The following CDKL5 variants were observed in gnomAD, a reference collection of about 807,000 sequenced individuals.
CDKL5 encodes the protein cyclin dependent kinase like 5.
In CDKL5, 8 loss-of-function variants were observed where a neutral mutation model predicts 61.7. That is an observed-to-expected ratio of 0.13 (90% CI 0.08 to 0.23). CDKL5 has a LOEUF of 0.23. Among genes scored for constraint, CDKL5 ranks in the 10% least tolerant of loss-of-function variants. CDKL5 has a pLI of 1.00. For synonymous variants in CDKL5, 275 were observed against 272.3 expected (o/e 1.01, Z -0.10); for missense variants, 440 against 734.5 (o/e 0.60, Z 4.63).
chrX:18,462,831 C>CT (rs2147647692), intron 1 of CDKL5, among the ~76,000 whole-genome samples: 1 of 110,978 alleles, frequency 9.0e-6, no homozygotes, highest in South Asian at 3.9e-4. Flanking sequence ...CGTGACCAGC[C>CT]TGGCCAACAT....
intron 1 of CDKL5, among the ~76,000 whole-genome samples, chrX:18,445,464 CTTTGTCTTTG>C (rs1282562090): frequency 5.4e-5 from 6 of 111,651 alleles, no homozygotes; most frequent in Non-Finnish European, 7.5e-5. Context: ...TCCTTTATGT[CTTTGTCTTTG>C]TGCTAGTGGT....
intron 3 of CDKL5, among the ~76,000 whole-genome samples, chrX:18,540,749 G>A (rs1267967783): frequency 9.4e-6 from 1 of 106,108 alleles, no homozygotes; most frequent in Non-Finnish European, 1.9e-5. Flanking sequence ...GTGCAGTGGC[G>A]TGATCTCGGC....
chrX:18,487,644 G>A (rs1041686606), intron 1 of CDKL5, among the ~76,000 whole-genome samples: 2 of 112,896 alleles, frequency 1.8e-5, no homozygotes, highest in East Asian at 2.8e-4. Flanking sequence ...CACCTGGCAC[G>A]GTGGCTCATT....
chrX:18,644,480 C>T (rs1800002), downstream of CDKL5: 8 of 1,211,518 alleles, frequency 6.6e-6, no homozygotes, highest in East Asian at 8.9e-5. Flanking sequence ...AGGCGCTCAT[C>T]GGTCCTGTAC....
At chrX:18,440,632 C>T (rs747005091) in intron 1 of CDKL5, among the ~76,000 whole-genome samples, 24 of 112,120 alleles carry the variant, frequency 2.1e-4, no homozygotes, top group Admixed American at 1.6e-3. Flanking sequence ...TGCCACCACA[C>T]CTAGGTAATT....
chrX:18,596,259 C>A (rs1385011416), intron 10 of CDKL5, among the ~76,000 whole-genome samples: 1 of 110,758 alleles, frequency 9.0e-6, no homozygotes, highest in Non-Finnish European at 1.9e-5. Flanking sequence ...GTGGCATTCT[C>A]AGAACTTTGC....
intron 9 of CDKL5, among the ~76,000 whole-genome samples, chrX:18,594,053 C>T (rs1202737343): frequency 8.9e-6 from 1 of 112,378 alleles, no homozygotes; most frequent in Non-Finnish European, 1.9e-5. Flanking sequence ...TTTTTTGTCT[C>T]CTGCTATCCA....
chrX:18,556,653 G>T (rs1218524691), intron 3 of CDKL5, among the ~76,000 whole-genome samples: 5 of 111,008 alleles, frequency 4.5e-5, no homozygotes, highest in Non-Finnish European at 9.4e-5. Context: ...TACTTTTTCT[G>T]GGACCATACT....
At position 18,630,820 on chromosome X, in the gene CDKL5, T is replaced by C. The variant is rs755758315; in HGVS notation, c.*2063T>C. The C allele has an allele frequency of 9.3e-6, 7 of 751,965 alleles. No homozygotes were observed. Among genetic ancestry groups the C allele is most frequent in the Non-Finnish European group, 1.1e-5 (7 of 638,778 alleles). 62.0% of individuals were successfully genotyped at this position (751,965 alleles called of 1,213,427 possible). A position where few individuals can be genotyped will look rare whatever the true frequency, so the allele number is the denominator to read the frequency against. ...CTTCTTTCACCAGTTCAGTACTGTTTGGGTAGCTCTGAATTCTGGCTTTTC... is the reference window on the plus strand; with the variant it reads ...CTTCTTTCACCAGTTCAGTACTGTTCGGGTAGCTCTGAATTCTGGCTTTTC... On this transcript the variant is annotated 3_prime_UTR_variant, in exon 18 of 18. Transcript: ENST00000623535.
At chrX:18,573,545 T>C (rs1384700064) in intron 4 of CDKL5, among the ~76,000 whole-genome samples, 3 of 112,301 alleles carry the variant, frequency 2.7e-5, no homozygotes, top group African/African-American at 9.7e-5. Flanking sequence ...ATGTCCCCGA[T>C]TGCATCTCAG....
chrX:18,572,716 T>A (rs1925171950), intron 4 of CDKL5, among the ~76,000 whole-genome samples: 1 of 112,030 alleles, frequency 8.9e-6, no homozygotes, highest in Non-Finnish European at 1.9e-5. Context: ...TACGCATGTA[T>A]GGGCAGAGAT....
intron 1 of CDKL5, among the ~76,000 whole-genome samples, chrX:18,450,657 C>T (rs1931991604): frequency 9.0e-6 from 1 of 111,151 alleles, no homozygotes; most frequent in South Asian, 3.8e-4. Context: ...TCACTGCAAC[C>T]TCCGCCTCCT....
intron 3 of CDKL5, among the ~76,000 whole-genome samples, chrX:18,540,388 G>A (rs761927664): frequency 4.1e-4 from 46 of 111,436 alleles, no homozygotes; most frequent in South Asian, 2.3e-3. Context: ...TGTTGCCCAG[G>A]CTGGTCTCCA....
In CDKL5 at chrX:18,454,842, A is replaced by G. The variant is rs367820354; in HGVS notation, c.-163+29147A>G. Among the ~76,000 whole-genome samples the G allele has an allele frequency of 1.6e-4, 18 of 109,109 alleles. No individual in the cohort carries two copies. The East Asian group carries it at 4.0e-3, about 24-fold the overall frequency. The allele number at this position is 109,109 out of a possible 115,157, so 94.7% of individuals were successfully genotyped here. ...TTTGAAAATGATATAATGTCATTGC[A>G]TGGAAATGATATAATATCATTGCAT... On this transcript the variant is annotated intron_variant, in intron 1 of 17. Transcript: ENST00000623535.
Position 18,595,328 on chromosome X carries a change from C to T in CDKL5, c.745-20C>T. The T allele has an allele frequency of 9.1e-7, 1 of 1,103,235 alleles. No individual in the cohort carries two copies. Among genetic ancestry groups the T allele is most frequent in the Non-Finnish European group, 1.3e-6 (1 of 796,478 alleles). 90.9% of individuals were successfully genotyped at this position (1,103,235 alleles called of 1,213,427 possible). A position where few individuals can be genotyped will look rare whatever the true frequency, so the allele number is the denominator to read the frequency against. ...TGTCCTTCCCCAAATGTTAACATTC[C>T]CTTTGTGTATGTCTCACAGTTTCCA... is the stretch of plus-strand genomic sequence containing the variant. On this transcript the variant is annotated intron_variant, in intron 9 of 17. Coordinates refer to ENST00000623535, the MANE Select transcript of CDKL5 (RefSeq NM_001323289.2).
intron 5 of CDKL5, among the ~76,000 whole-genome samples, chrX:18,575,991 G>A (rs973152666): frequency 3.6e-5 from 4 of 112,166 alleles, no homozygotes; most frequent in African/African-American, 1.3e-4. Context: ...AGATGAGACC[G>A]TAAAAGAAAA....
chrX:18,451,294 C>T (rs764656517), intron 1 of CDKL5, among the ~76,000 whole-genome samples: 4 of 110,887 alleles, frequency 3.6e-5, no homozygotes, highest in Admixed American at 9.6e-5. Context: ...CGGGTTCAAA[C>T]GATTCTCCTG....
At chrX:18,522,778 A>G (rs1923297362) in intron 3 of CDKL5, among the ~76,000 whole-genome samples, 1 of 107,346 alleles carries the variant, frequency 9.3e-6, no homozygotes, top group African/African-American at 3.4e-5. Context: ...TTGCCAGTGT[A>G]TAGAAATATT....
In CDKL5 at chrX:18,634,113, C is replaced by T. The variant is rs1226684148; in HGVS notation, c.*5356C>T. The T allele has an allele frequency of 2.7e-6, 2 of 752,028 alleles. No homozygotes were observed. The highest frequency in any genetic ancestry group is 3.1e-6 in the Non-Finnish European group (2 of 638,904). 62.0% of individuals were successfully genotyped at this position (752,028 alleles called of 1,213,427 possible). ...GATCCTTGGTTCCTATTTCGATCCT[C>T]CTTTGGAATCTGAAAATCGGTCTCC... On this transcript the variant is annotated 3_prime_UTR_variant, in exon 18 of 18. Coordinates refer to ENST00000623535, the MANE Select transcript of CDKL5 (RefSeq NM_001323289.2).
Sources: gnomAD v4.1 joint callset for allele counts (sites outside exome capture counted in the v4.1 genomes callset) on GRCh38, gnomAD v4.1.1 for gene constraint, MANE v1.5 for transcripts, NCBI Gene and HGNC (gene_info 2026-07-23, HGNC 2026-07-21) for gene names.